Variants in ZMYND11 observed in about 807,000 individuals in gnomAD.
ZMYND11 encodes the protein zinc finger MYND domain-containing protein 11.
A neutral mutation model predicts 84.9 loss-of-function variants in ZMYND11; 9 were observed. The ratio of observed to expected loss-of-function variants is 0.11; its 90% CI spans 0.06 to 0.18. ZMYND11 has a LOEUF of 0.18. Ranked by LOEUF, ZMYND11 falls within the 10% of genes least tolerant of loss-of-function variation. The pLI is 1.00. For synonymous variants in ZMYND11, 250 were observed against 244.1 expected (o/e 1.02, Z -0.23); for missense variants, 409 against 761.0 (o/e 0.54, Z 5.44).
chr10:185,415 C>G (rs928145359), intron 2 of ZMYND11, among the ~76,000 whole-genome samples: 5 of 146,898 alleles, frequency 3.4e-5, no homozygotes, highest in African/African-American at 1.3e-4. Context: ...GTAACTCTAT[C>G]TAGTAGGTTT....
chr10:217,272 ACCTGTAAT>A (rs1946335258), intron 3 of ZMYND11, among the ~76,000 whole-genome samples: 1 of 152,184 alleles, frequency 6.6e-6, no homozygotes, highest in African/African-American at 2.4e-5. Flanking sequence ...AGTAGCTCAC[ACCTGTAAT>A]CCTAGCACTT....
rs760998641 is a variant in ZMYND11 at position 209,882 on chromosome 10, T to C, written c.117-7T>C. On this transcript the variant is annotated splice_region_variant and splice_polypyrimidine_tract_variant and intron_variant, in intron 2 of 14. Transcript: ENST00000381604. ...GATTTTTAAATTTGTTTTTCCTCTG[T>C]GTTCAGGTATATGTCTCGAGTCCAC... 1.9e-6 allele frequency: 3 copies of C among 1,598,308 alleles called. No homozygotes were observed. The highest frequency in any genetic ancestry group is 2.7e-5 in the African/African-American group (2 of 74,322).
chr10:187,165 G>A (rs1167560846), intron 2 of ZMYND11, among the ~76,000 whole-genome samples: 1 of 152,002 alleles, frequency 6.6e-6, no homozygotes, highest in African/African-American at 2.4e-5. Flanking sequence ...GATCAAGGCT[G>A]CAGTGAGCTG....
In ZMYND11 at chr10:151,861, G is replaced by C. The variant is rs935189636; in HGVS notation, c.-20+16302G>C. On this transcript the variant is annotated intron_variant, in intron 1 of 14. Coordinates refer to ENST00000381604, the MANE Select transcript of ZMYND11 (RefSeq NM_001370100.5). ...AGGGAAGCCCATCAGACTAACAGCT[G>C]ATCTCTTGGCAGAAACTCTACAAGC... is the stretch of plus-strand genomic sequence containing the variant. 3.3e-5 allele frequency among the ~76,000 whole-genome samples: 5 copies of C among 152,164 alleles called. No individual in the cohort carries two copies. In the East Asian group the frequency reaches 9.6e-4, roughly 29 times the overall value.
At chr10:221,167 T>C (rs775384710) in intron 3 of ZMYND11, 28 bp from the exon 4 acceptor site, 1 of 1,607,964 alleles carries the variant, frequency 6.2e-7, no homozygotes, top group South Asian at 1.1e-5. Flanking sequence ...CAAAATGTCA[T>C]ACAAAACTAT....
intron 2 of ZMYND11, chr10:198,073 A>T: frequency 2.1e-6 from 1 of 480,564 alleles, no homozygotes; most frequent in Non-Finnish European, 3.7e-6. Context: ...AAAAAGATTC[A>T]AGCAAGCTGT....
intron 1 of ZMYND11, among the ~76,000 whole-genome samples, chr10:149,379 T>C (rs1050958636): frequency 4.0e-5 from 6 of 151,340 alleles, no homozygotes; most frequent in Non-Finnish European, 5.9e-5. Context: ...GGCGCGATCT[T>C]GGCTCACTGC....
intron 3 of ZMYND11, among the ~76,000 whole-genome samples, chr10:212,061 TAATC>T (rs1367777182): frequency 4.6e-5 from 7 of 152,214 alleles, no homozygotes; most frequent in Non-Finnish European, 1.0e-4. Context: ...AAGTGCAACT[TAATC>T]TATAGGATTT....
At chr10:222,325 C>G (rs984399739) in intron 4 of ZMYND11, among the ~76,000 whole-genome samples, 2 of 152,112 alleles carry the variant, frequency 1.3e-5, no homozygotes, top group African/African-American at 4.8e-5. Context: ...TTTGTATTGC[C>G]TAAGTGTACT....
At chr10:188,028 TAGC>T (rs1400522958) in intron 2 of ZMYND11, among the ~76,000 whole-genome samples, 1 of 152,214 alleles carries the variant, frequency 6.6e-6, no homozygotes, top group Non-Finnish European at 1.5e-5. Flanking sequence ...GCACAGGCAA[TAGC>T]AGCTTCTCTT....
chr10:241,843 C>T (rs1951010766), intron 9 of ZMYND11, among the ~76,000 whole-genome samples, 178 bp from the exon 10 acceptor site: 3 of 152,054 alleles, frequency 2.0e-5, no homozygotes, highest in Admixed American at 2.0e-4. Flanking sequence ...TTCATGTTGG[C>T]ACTCTGATGC....
intron 4 of ZMYND11, among the ~76,000 whole-genome samples, chr10:226,311 T>G (rs1485937705): frequency 6.6e-6 from 1 of 152,190 alleles, no homozygotes; most frequent in African/African-American, 2.4e-5. Flanking sequence ...TTGCTTTTGC[T>G]CTAATGCCTC....
At chr10:156,586 A>G (rs894785306) in intron 1 of ZMYND11, among the ~76,000 whole-genome samples, 2 of 152,196 alleles carry the variant, frequency 1.3e-5, no homozygotes, top group Non-Finnish European at 1.5e-5. Context: ...TTAAAGTTCT[A>G]ATCACAAAGA....
chr10:218,633 G>T, intron 3 of ZMYND11: 1 of 171,388 alleles, frequency 5.8e-6, no homozygotes. Context: ...ATCTTTACAT[G>T]GCTTCTAATT....
intron 3 of ZMYND11, among the ~76,000 whole-genome samples, chr10:216,022 C>T (rs977554234): frequency 2.3e-4 from 35 of 152,132 alleles, no homozygotes; most frequent in African/African-American, 2.4e-5. Flanking sequence ...TACAGAGGGG[C>T]AAGATAGACC....
At chr10:130,806 T>C (rs936316146), upstream of ZMYND11, among the ~76,000 whole-genome samples, 4 of 152,214 alleles carry the variant, frequency 2.6e-5, no homozygotes, top group Admixed American at 2.0e-4. Flanking sequence ...TAGTGCATAT[T>C]CTTCTACATC....
Position 139,704 on chromosome 10 carries a change from C to CTTTT in ZMYND11, c.-20+4166_-20+4169dup, listed in dbSNP as rs67915368. ...GTCCAACTTAAACTTACACATGGTC[C>CTTTT]TTTTTTTTTTTTTTTTTTTTTTTTG... On this transcript the variant is annotated intron_variant, in intron 1 of 14. Coordinates refer to ENST00000381604, the MANE Select transcript of ZMYND11 (RefSeq NM_001370100.5). Among the ~76,000 whole-genome samples, 252 of 80,252 alleles carry CTTTT rather than the reference C, an allele frequency of 3.1e-3. 8 individuals carry two copies. The highest frequency in any genetic ancestry group is 0.014 in the South Asian group (24 of 1,700). The allele number at this position is 80,252 out of a possible 152,430, so 52.6% of individuals were successfully genotyped here. A position where few individuals can be genotyped will look rare whatever the true frequency, so the allele number is the denominator to read the frequency against.
intron 2 of ZMYND11, chr10:197,884 C>G: frequency 1.8e-6 from 1 of 561,056 alleles, no homozygotes; most frequent in Non-Finnish European, 3.2e-6. Flanking sequence ...AAGTGACTAT[C>G]AAACTTACAA....
intron 1 of ZMYND11, among the ~76,000 whole-genome samples, chr10:146,695 G>T (rs1838943539): frequency 6.6e-6 from 1 of 152,184 alleles, no homozygotes; most frequent in Admixed American, 6.5e-5. Context: ...GTTTGGCCAT[G>T]TCCCCTCCGA....
Sources: gnomAD v4.1 joint callset for allele counts (sites outside exome capture counted in the v4.1 genomes callset) on GRCh38, gnomAD v4.1.1 for gene constraint, MANE v1.5 for transcripts, NCBI Gene and HGNC (gene_info 2026-07-23, HGNC 2026-07-21) for gene names.